The following PIEZO2 variants were observed in gnomAD, a reference collection of about 807,000 sequenced individuals.
The protein encoded by PIEZO2 is piezo-type mechanosensitive ion channel component 2.
In PIEZO2, 172 loss-of-function variants were observed where a neutral mutation model predicts 337.3. That is an observed-to-expected ratio of 0.51 (90% CI 0.45 to 0.58). PIEZO2 has a LOEUF of 0.58. Ranked by LOEUF, PIEZO2 falls within the 20% of genes least tolerant of loss-of-function variation. PIEZO2 has a pLI of 0.00. For missense variants in PIEZO2, 3,028 were observed against 3,391.3 expected, an observed-to-expected ratio of 0.89 and a Z score of 2.66; for synonymous variants, 1,251 against 1,228.5, an observed-to-expected ratio of 1.02 and a Z score of -0.38.
At chr18:10,889,414 G>A (rs2042695517) in intron 4 of PIEZO2, among the ~76,000 whole-genome samples, 2 of 152,196 alleles carry the variant, frequency 1.3e-5, no homozygotes, top group South Asian at 4.1e-4. Context: ...CACAATGGTT[G>A]ACCCTGAAAA....
In PIEZO2 at chr18:10,803,898, G is replaced by A. The variant is rs1426438255; in HGVS notation, c.1177C>T (p.His393Tyr). 1.3e-6 allele frequency: 2 copies of A among 1,537,170 alleles called. No individual in the cohort carries two copies. The highest frequency in any genetic ancestry group is 2.4e-5 in the South Asian group (2 of 84,064). ...GRRRSLWYAT[H>Y]YPTDERKLLS... Reference sequence around the variant, plus strand: ...ACTTTTCTCTCATCAGTGGGGTAATGGGTTGCGTACCACAGGCTCCGCCTC... The same window carrying A: ...ACTTTTCTCTCATCAGTGGGGTAATAGGTTGCGTACCACAGGCTCCGCCTC... The change falls in exon 9 of 56, where the codon CAT becomes TAT. Residue 393 changes from histidine (H) to tyrosine (Y), a missense_variant. By Grantham distance (83) the His-to-Tyr change is moderately conservative. This residue lies in a region of PIEZO2 where 542 missense variants were observed against 605.6 expected (regional missense o/e 0.89). Coordinates refer to ENST00000674853, the MANE Select transcript of PIEZO2 (RefSeq NM_001378183.1).
At chr18:11,082,806 A>T (rs1194670121) in intron 1 of PIEZO2, among the ~76,000 whole-genome samples, 2 of 152,188 alleles carry the variant, frequency 1.3e-5, no homozygotes, top group Non-Finnish European at 2.9e-5. Flanking sequence ...ACCAAAGTAA[A>T]GCAAACTCCA....
Position 10,859,889 on chromosome 18 carries a change from G to A in PIEZO2, c.493-2678C>T, listed in dbSNP as rs1429655693. Among the ~76,000 whole-genome samples the A allele has an allele frequency of 1.3e-5, 2 of 152,088 alleles. No individual in the cohort carries two copies. The highest frequency in any genetic ancestry group is 2.9e-5 in the Non-Finnish European group (2 of 68,006). ...TGGAGGAGAGGGGAGGGAGTGGTGG[G>A]GCTGAAGTGAAGATCCTGTCTTTGG... is the stretch of plus-strand genomic sequence containing the variant. On this transcript the variant is annotated intron_variant, in intron 5 of 55. Coordinates refer to ENST00000674853, the MANE Select transcript of PIEZO2 (RefSeq NM_001378183.1). This position sits in a 1 kb window ranked among gnomAD's most constrained non-coding sequence, Gnocchi z 4.9.
chr18:11,030,773 G>A (rs1022373398), intron 2 of PIEZO2, among the ~76,000 whole-genome samples: 1 of 152,064 alleles, frequency 6.6e-6, no homozygotes, highest in Admixed American at 6.6e-5. Flanking sequence ...CATTGAGACG[G>A]CAAAGTGCAT....
At chr18:10,730,890 CTAAT>C (rs1309404387) in intron 36 of PIEZO2, among the ~76,000 whole-genome samples, 1 of 152,036 alleles carries the variant, frequency 6.6e-6, no homozygotes, top group Non-Finnish European at 1.5e-5. Flanking sequence ...CCACGCCGGG[CTAAT>C]TTTTTGTATT....
chr18:11,020,957 A>G (rs1477105515), intron 2 of PIEZO2, among the ~76,000 whole-genome samples: 1 of 152,248 alleles, frequency 6.6e-6, no homozygotes, highest in Non-Finnish European at 1.5e-5. Context: ...AAATATAGAA[A>G]GTGAAAGGTA....
At chr18:11,063,816 A>G (rs1454507559) in intron 2 of PIEZO2, among the ~76,000 whole-genome samples, 1 of 152,172 alleles carries the variant, frequency 6.6e-6, no homozygotes, top group Non-Finnish European at 1.5e-5. Context: ...GTGTATTAAC[A>G]CACACTGGAA....
Position 10,855,646 on chromosome 18 carries a change from T to C in PIEZO2, c.704-80A>G, listed in dbSNP as rs2041684600. 4.4e-6 allele frequency: 5 copies of C among 1,129,636 alleles called. No individual in the cohort carries two copies. In the East Asian group the frequency reaches 1.3e-4, roughly 29 times the overall value. 70.0% of individuals were successfully genotyped at this position (1,129,636 alleles called of 1,614,324 possible). Reference sequence around the variant, plus strand: ...ATTCAGTGAATGTGACTATTTGAAATTATGTGAATTTCCTTCAAGTGTTTT... The same window carrying C: ...ATTCAGTGAATGTGACTATTTGAAACTATGTGAATTTCCTTCAAGTGTTTT... On this transcript the variant is annotated intron_variant, in intron 6 of 55. Coordinates refer to ENST00000674853, the MANE Select transcript of PIEZO2 (RefSeq NM_001378183.1). This position sits in a 1 kb window ranked among gnomAD's most constrained non-coding sequence, Gnocchi z 4.9.
At chr18:10,948,332 G>A (rs931955987) in intron 3 of PIEZO2, among the ~76,000 whole-genome samples, 6 of 151,730 alleles carry the variant, frequency 4.0e-5, no homozygotes, top group Admixed American at 2.6e-4. Context: ...GCTTCTTTAC[G>A]AGATAAAATT....
chr18:10,960,869 A>T (rs1038306093), intron 3 of PIEZO2, among the ~76,000 whole-genome samples: 2 of 152,158 alleles, frequency 1.3e-5, no homozygotes, highest in African/African-American at 4.8e-5. Context: ...TCCATTTGGT[A>T]GAAGAGTTCA....
intron 17 of PIEZO2, among the ~76,000 whole-genome samples, chr18:10,782,402 TATATA>T (rs1417440494): frequency 6.9e-5 from 3 of 43,328 alleles, no homozygotes; most frequent in African/African-American, 1.9e-4. Flanking sequence ...TATAAATAAT[TATATA>T]ATATATTATA....
Position 11,078,050 on chromosome 18 carries a change from A to C in PIEZO2, c.65-11828T>G, listed in dbSNP as rs984255685. On this transcript the variant is annotated intron_variant, in intron 1 of 55. Transcript: ENST00000674853. This position sits in a 1 kb window ranked among gnomAD's most constrained non-coding sequence, Gnocchi z 5.3. Reference sequence around the variant, plus strand: ...TGCACACACACCCACACACACCCACACACACACACACACACACCACACACA... The same window carrying C: ...TGCACACACACCCACACACACCCACCCACACACACACACACACCACACACA... Among the ~76,000 whole-genome samples, 5 of 125,904 alleles carry C rather than the reference A, an allele frequency of 4.0e-5. No individual in the cohort carries two copies. Among genetic ancestry groups the C allele is most frequent in the African/African-American group, 1.0e-4 (3 of 29,472 alleles). The allele number at this position is 125,904 out of a possible 152,430, so 82.6% of individuals were successfully genotyped here.
At position 10,945,523 on chromosome 18, in the gene PIEZO2, C is replaced by T. The variant is rs77712251; in HGVS notation, c.286+34012G>A. 0.017 allele frequency among the ~76,000 whole-genome samples: 2,530 copies of T among 152,142 alleles called. 28 individuals carry two copies. Among genetic ancestry groups the T allele is most frequent in the Non-Finnish European group, 0.022 (1,503 of 67,994 alleles). On this transcript the variant is annotated intron_variant, in intron 3 of 55. Coordinates refer to ENST00000674853, the MANE Select transcript of PIEZO2 (RefSeq NM_001378183.1). The surrounding 1 kb of genome is among the most constrained non-coding windows in gnomAD (Gnocchi z 4.0). ...TCACAAATGTTTAAACAAAACACCC[C>T]CAAGAGATCAAAACATTTCCAAATA...
In PIEZO2 at chr18:10,731,177, T is replaced by TATATA. The variant is rs1555633703; in HGVS notation, c.5029+229_5029+230insTATAT. Among the ~76,000 whole-genome samples the TATATA allele has an allele frequency of 6.8e-3, 240 of 35,190 alleles. 16 individuals carry two copies. The highest frequency in any genetic ancestry group is 0.045 in the Middle Eastern group (1 of 22). The allele number at this position is 35,190 out of a possible 152,430, so 23.1% of individuals were successfully genotyped here. On this transcript the variant is annotated intron_variant, in intron 36 of 55. Coordinates refer to ENST00000674853, the MANE Select transcript of PIEZO2 (RefSeq NM_001378183.1). ...CTCTCCTTTTTTCCTACTTAAAAGA[T>TATATA]TATATATATATATATATATATATAT...
intron 3 of PIEZO2, among the ~76,000 whole-genome samples, chr18:10,949,093 T>A (rs2033165982): frequency 1.3e-5 from 2 of 152,214 alleles, no homozygotes; most frequent in African/African-American, 4.8e-5. Flanking sequence ...AATGGTCATT[T>A]GTTGGTTAGT....
At chr18:10,694,341 C>G (rs888525951) in intron 47 of PIEZO2, among the ~76,000 whole-genome samples, 11 of 152,162 alleles carry the variant, frequency 7.2e-5, no homozygotes, top group Non-Finnish European at 1.0e-4. Context: ...TACACTTGAA[C>G]TGGTTTACTT....
At chr18:11,007,780 C>T (rs1396077118) in intron 2 of PIEZO2, among the ~76,000 whole-genome samples, 2 of 152,102 alleles carry the variant, frequency 1.3e-5, no homozygotes, top group African/African-American at 4.8e-5. Flanking sequence ...TCTAGCAAAA[C>T]TATCCTTTGA....
chr18:11,024,663 G>A (rs1294142743), intron 2 of PIEZO2, among the ~76,000 whole-genome samples: 1 of 151,682 alleles, frequency 6.6e-6, no homozygotes, highest in Non-Finnish European at 1.5e-5. Context: ...TTTTTGAGAC[G>A]GAGTTTCACT....
At chr18:10,736,818 A>G (rs2037015472) in intron 33 of PIEZO2, 108 bp from the exon 34 acceptor site, 1 of 1,226,884 alleles carries the variant, frequency 8.2e-7, no homozygotes, top group Non-Finnish European at 1.1e-6. Flanking sequence ...TAAGAGAACC[A>G]CAACGAAAGA....
Sources: gnomAD v4.1 joint callset for allele counts (sites outside exome capture counted in the v4.1 genomes callset) on GRCh38, gnomAD v4.1.1 for gene constraint, gnomAD v4.1.1 regional missense constraint, Gnocchi (gnomAD v3.1) non-coding constraint, MANE v1.5 for transcripts, NCBI Gene and HGNC (gene_info 2026-07-23, HGNC 2026-07-21) for gene names.